DAB1: variants seen among roughly 807,000 people sequenced by gnomAD.
DAB1 encodes the protein DAB adaptor protein 1, also known as disabled homolog 1.
A neutral mutation model predicts 64.6 loss-of-function variants in DAB1; 15 were observed. That is an observed-to-expected ratio of 0.23 (90% CI 0.16 to 0.36). DAB1 has a LOEUF of 0.36. Ranked by LOEUF, DAB1 falls within the 10% of genes least tolerant of loss-of-function variation. The probability of loss-of-function intolerance (pLI) is 1.00; values close to 1 mark genes in which losing one functional copy is unlikely to be tolerated. For synonymous variants in DAB1, 235 were observed against 251.9 expected (o/e 0.93, Z 0.64); for missense variants, 596 against 706.7 (o/e 0.84, Z 1.78).
intron 4 of DAB1, among the ~76,000 whole-genome samples, chr1:58,294,235 A>C (rs1197818175): frequency 6.6e-6 from 1 of 152,166 alleles, no homozygotes; most frequent in Non-Finnish European, 1.5e-5. Flanking sequence ...TTGACTATGA[A>C]AAAAATCTCC....
intron 3 of DAB1, among the ~76,000 whole-genome samples, chr1:58,417,899 G>A (rs1208808489): frequency 1.3e-5 from 2 of 152,166 alleles, no homozygotes; most frequent in African/African-American, 4.8e-5. Flanking sequence ...AGAGAAGAGT[G>A]AAAGTGCTGG....
chr1:57,686,689 T>C (rs1570737256), intron 6 of DAB1, among the ~76,000 whole-genome samples: 1 of 152,102 alleles, frequency 6.6e-6, no homozygotes, highest in Non-Finnish European at 1.5e-5. Context: ...GCAGCACATA[T>C]AAAAGTTAAT....
At chr1:57,218,210 G>C (rs1666571392) in intron 2 of DAB1, among the ~76,000 whole-genome samples, 1 of 152,126 alleles carries the variant, frequency 6.6e-6, no homozygotes, top group African/African-American at 2.4e-5. Context: ...AAGGCACCGA[G>C]GAAAGGGAAA....
intron 7 of DAB1, among the ~76,000 whole-genome samples, chr1:57,462,392 C>G (rs961365015): frequency 6.6e-6 from 1 of 152,124 alleles, no homozygotes; most frequent in African/African-American, 2.4e-5. Context: ...TTGAAAGAAT[C>G]AGTGGTTTTT....
chr1:58,356,371 T>G (rs1187162925), intron 3 of DAB1, among the ~76,000 whole-genome samples: 1 of 152,198 alleles, frequency 6.6e-6, no homozygotes, highest in Non-Finnish European at 1.5e-5. Context: ...GACATTTATA[T>G]TTTAGAGCGA....
downstream of DAB1, among the ~76,000 whole-genome samples, chr1:57,821,618 T>C (rs887606730): frequency 1.2e-4 from 18 of 152,200 alleles, no homozygotes. Context: ...GTGTTATGGA[T>C]ATTATATTGA....
chr1:57,106,302 A>T (rs996391540), intron 4 of DAB1, among the ~76,000 whole-genome samples: 1 of 141,912 alleles, frequency 7.0e-6, no homozygotes, highest in East Asian at 2.0e-4. Flanking sequence ...TTTGGGGGGA[A>T]TTTTTAGTTC....
At chr1:57,896,757 A>T (rs1240721413) in intron 5 of DAB1, among the ~76,000 whole-genome samples, 3 of 152,190 alleles carry the variant, frequency 2.0e-5, no homozygotes, top group African/African-American at 7.2e-5. Context: ...GTATTTAGAA[A>T]TATGCCCCTG....
At chr1:58,172,458 T>G (rs766740003) in intron 4 of DAB1, among the ~76,000 whole-genome samples, 15 of 152,176 alleles carry the variant, frequency 9.9e-5, no homozygotes, top group Non-Finnish European at 1.2e-4. Flanking sequence ...AAAGGAAGTT[T>G]ATGGCTATCA....
chr1:57,364,762 C>G (rs553422935), intron 1 of DAB1, among the ~76,000 whole-genome samples: 1 of 150,746 alleles, frequency 6.6e-6, no homozygotes, highest in Admixed American at 6.6e-5. Flanking sequence ...ATCAAAGTCA[C>G]GAGAAGAAGT....
At chr1:58,039,354 C>T (rs1202324767) in intron 5 of DAB1, among the ~76,000 whole-genome samples, 2 of 152,086 alleles carry the variant, frequency 1.3e-5, no homozygotes, top group East Asian at 3.9e-4. Context: ...CTCACCTGTT[C>T]CTTCCCACAG....
intron 7 of DAB1, among the ~76,000 whole-genome samples, chr1:57,474,628 T>A (rs1643912522): frequency 6.6e-6 from 1 of 152,170 alleles, no homozygotes; most frequent in Non-Finnish European, 1.5e-5. Context: ...TATCCTATTA[T>A]CTGGGATTAA....
At chr1:57,802,258 C>T (rs1363034932) in intron 6 of DAB1, among the ~76,000 whole-genome samples, 1 of 152,208 alleles carries the variant, frequency 6.6e-6, no homozygotes, top group Admixed American at 6.5e-5. Context: ...TGCTGTTGTC[C>T]TTTTGGTAGA....
chr1:58,175,964 C>T (rs1425768400), intron 4 of DAB1, among the ~76,000 whole-genome samples: 2 of 152,318 alleles, frequency 1.3e-5, no homozygotes, highest in East Asian at 3.9e-4. Context: ...AGGTTTCTGG[C>T]TTCTTGTGAA....
At chr1:57,597,350 G>A (rs1488088063) in intron 7 of DAB1, among the ~76,000 whole-genome samples, 1 of 152,236 alleles carries the variant, frequency 6.6e-6, no homozygotes, top group Non-Finnish European at 1.5e-5. Context: ...AACAAGGACA[G>A]CAAGAGTCAA....
intron 2 of DAB1, among the ~76,000 whole-genome samples, chr1:57,264,581 T>C (rs1328884930): frequency 1.3e-5 from 2 of 152,200 alleles, no homozygotes; most frequent in African/African-American, 4.8e-5. Context: ...CCTCATTTTG[T>C]GGAAAGGGAA....
chr1:57,015,385 C>T lies in DAB1; in HGVS notation c.942G>A (p.Gln314=). 6.2e-7 allele frequency: 1 copy of T among 1,613,878 alleles called. No individual in the cohort carries two copies. The highest frequency in any genetic ancestry group is 1.1e-5 in the South Asian group (1 of 91,044). ...TGACCATCTGCTGTTGGACGAGGGG[C>T]TGCTGACCCCAGAAGGACGGGAGGA... The part of the protein sequence containing the change: ...GAVLPSFWGQ[Q]PLVQQQMVMG... Residue 314 remains glutamine, a synonymous_variant, in exon 12 of 15, where the codon CAG becomes CAA. Coordinates refer to ENST00000371236, the MANE Select transcript of DAB1 (RefSeq NM_001365792.1).
intron 6 of DAB1, among the ~76,000 whole-genome samples, chr1:57,711,458 TG>T (rs1308047589): frequency 3.3e-5 from 5 of 151,344 alleles, no homozygotes; most frequent in African/African-American, 1.2e-4. Flanking sequence ...ACAGGGGGAG[TG>T]GTGGGGATAG....
chr1:58,247,266 C>G (rs534830866), intron 4 of DAB1, among the ~76,000 whole-genome samples: 45 of 146,968 alleles, frequency 3.1e-4, no homozygotes, highest in African/African-American at 1.0e-3. Context: ...TTTCCCCCCC[C>G]GCCAGGTTAA....
Sources: allele counts gnomAD v4.1 joint callset (sites outside exome capture counted in the v4.1 genomes callset), GRCh38; gene constraint gnomAD v4.1.1; transcripts MANE v1.5; gene names NCBI Gene and HGNC (gene_info 2026-07-23, HGNC 2026-07-21).